Variants in FGF14 observed in about 807,000 individuals in gnomAD.
The protein encoded by FGF14 is fibroblast growth factor homologous factor 4.
A neutral mutation model predicts 25.5 loss-of-function variants in FGF14; 5 were observed. That is an observed-to-expected ratio of 0.20 (90% confidence interval 0.10 to 0.41). The LOEUF (loss-of-function observed/expected upper bound fraction) is 0.41, where lower values mean the gene tolerates loss of function less well. Among genes scored for constraint, FGF14 ranks in the 10% least tolerant of loss-of-function variants. The pLI is 1.00. For missense variants in FGF14, 222 were observed against 320.1 expected, an observed-to-expected ratio of 0.69 and a Z score of 2.34; for synonymous variants, 138 against 118.3, an observed-to-expected ratio of 1.17 and a Z score of -1.08.
chr13:102,036,305 C>T (rs1226210814), intron 1 of FGF14, among the ~76,000 whole-genome samples: 2 of 152,128 alleles, frequency 1.3e-5, no homozygotes, highest in Admixed American at 1.3e-4. Context: ...GCTAGCCAGT[C>T]TTATGTACAC....
chr13:102,355,099 C>T (rs899310555), intron 1 of FGF14, among the ~76,000 whole-genome samples: 1 of 152,140 alleles, frequency 6.6e-6, no homozygotes. Context: ...TTTTCTGTAT[C>T]TACTACCTAT....
At chr13:102,084,886 A>T (rs1033977705) in intron 1 of FGF14, among the ~76,000 whole-genome samples, 1 of 152,224 alleles carries the variant, frequency 6.6e-6, no homozygotes, top group African/African-American at 2.4e-5. Flanking sequence ...AAACTGTCAG[A>T]AATGGCTCCC....
intron 1 of FGF14, among the ~76,000 whole-genome samples, chr13:102,346,238 T>A (rs190524900): frequency 1.3e-5 from 2 of 152,186 alleles, no homozygotes; most frequent in Non-Finnish European, 2.9e-5. Flanking sequence ...AAAGACATTG[T>A]AAATAGGTAT....
At chr13:101,840,363 T>G (rs1391677700) in intron 3 of FGF14, among the ~76,000 whole-genome samples, 1 of 151,950 alleles carries the variant, frequency 6.6e-6, no homozygotes, top group African/African-American at 2.4e-5. Context: ...TATTTTATTA[T>G]TTGAAGACAA....
rs1555369340 is a variant in FGF14, at chr13:102,161,565, T to TGAA, written c.208+239903_208+239905dup. Among the ~76,000 whole-genome samples the TGAA allele has an allele frequency of 3.1e-5, 3 of 97,988 alleles. No homozygotes were observed. In the South Asian group the frequency reaches 1.1e-3, roughly 36 times the overall value. 64.3% of individuals were successfully genotyped at this position (97,988 alleles called of 152,430 possible). ...TATTCTCTATGCAACCAACTTTCTG[T>TGAA]GAAGAAAGAAAGAAGAAGAAGAAGA... On this transcript the variant is annotated intron_variant, in intron 1 of 4. Transcript: ENST00000376131.
At chr13:101,819,683 T>C (rs1291367419) in intron 3 of FGF14, among the ~76,000 whole-genome samples, 1 of 152,268 alleles carries the variant, frequency 6.6e-6, no homozygotes, top group African/African-American at 2.4e-5. Flanking sequence ...AGGTATCTCC[T>C]ATTTTCTAGC....
At chr13:101,832,435 G>A (rs2042719866) in intron 3 of FGF14, among the ~76,000 whole-genome samples, 1 of 152,080 alleles carries the variant, frequency 6.6e-6, no homozygotes. Flanking sequence ...TATTGAAAAG[G>A]TGGGGAACTC....
intron 1 of FGF14, among the ~76,000 whole-genome samples, chr13:102,356,296 C>A (rs190154772): frequency 1.3e-5 from 2 of 152,128 alleles, no homozygotes; most frequent in Non-Finnish European, 2.9e-5. Flanking sequence ...CTTTTTAAAA[C>A]GCAACCATGC....
At chr13:102,110,341 C>T (rs1427410287) in intron 1 of FGF14, among the ~76,000 whole-genome samples, 1 of 152,104 alleles carries the variant, frequency 6.6e-6, no homozygotes, top group African/African-American at 2.4e-5. Flanking sequence ...CCTGCTTGAT[C>T]TAGTGATAAT....
chr13:102,318,721 C>A (rs1463755713), intron 1 of FGF14, among the ~76,000 whole-genome samples: 1 of 152,124 alleles, frequency 6.6e-6, no homozygotes, highest in Admixed American at 6.5e-5. Flanking sequence ...ATTACATCTG[C>A]AACAACAGAA....
intron 1 of FGF14, among the ~76,000 whole-genome samples, chr13:102,070,870 C>A (rs2043125353): frequency 6.6e-6 from 1 of 152,038 alleles, no homozygotes; most frequent in South Asian, 2.1e-4. Context: ...TGCCATGAAG[C>A]CGAAACTACA....
rs186606153 is a variant in FGF14 at position 102,248,917 on chromosome 13, G to A, written c.208+152554C>T. 1.3e-3 allele frequency among the ~76,000 whole-genome samples: 203 copies of A among 152,244 alleles called. 1 individual carries two copies. The highest frequency in any genetic ancestry group is 2.3e-3 in the Non-Finnish European group (155 of 68,022). ...TACATATAAAGCAAGGGAGCAGGAG[G>A]AGTCCAAACCCCAAAATTTCAAGTC... On this transcript the variant is annotated intron_variant, in intron 1 of 4. Coordinates refer to the FGF14 transcript ENST00000376131.
intron 1 of FGF14, among the ~76,000 whole-genome samples, chr13:102,296,686 C>A (rs1350498374): frequency 6.6e-6 from 1 of 152,122 alleles, no homozygotes; most frequent in Admixed American, 6.6e-5. Context: ...CCTTCCAAAC[C>A]ACTTCCCCCA....
rs9513972 is a variant in FGF14 at position 101,992,155 on chromosome 13, C to A, written c.209-116859G>T. 7.0e-3 allele frequency among the ~76,000 whole-genome samples: 1,069 copies of A among 152,176 alleles called. 8 individuals are homozygous for A. The highest frequency in any genetic ancestry group is 0.012 in the Non-Finnish European group (829 of 67,982). On this transcript the variant is annotated intron_variant, in intron 1 of 4. Coordinates refer to the FGF14 transcript ENST00000376131. ...ACACCTCACCACCATATAAATAGGGCTTCCATATAAAAACAGAGGATTATA... is the reference window on the plus strand; with the variant it reads ...ACACCTCACCACCATATAAATAGGGATTCCATATAAAAACAGAGGATTATA...
At chr13:102,157,859 A>G (rs2047421171) in intron 1 of FGF14, among the ~76,000 whole-genome samples, 1 of 152,222 alleles carries the variant, frequency 6.6e-6, no homozygotes, top group Admixed American at 6.5e-5. Context: ...AAAGTGGGAG[A>G]AGATATGAAC....
chr13:101,978,996 G>A (rs2038094856), intron 1 of FGF14, among the ~76,000 whole-genome samples: 1 of 152,204 alleles, frequency 6.6e-6, no homozygotes, highest in Admixed American at 6.5e-5. Context: ...GAGCAGCCAT[G>A]GGCGAATCAG....
At position 102,194,000 on chromosome 13, in the gene FGF14, T is replaced by C. The variant is rs371635852; in HGVS notation, c.208+207471A>G. ...AAATTATAATTTAAAGCCATTACAA[T>C]TATTTTCAAAGACCAAAAGTAAACC... On this transcript the variant is annotated intron_variant, in intron 1 of 4. Coordinates refer to the FGF14 transcript ENST00000376131. Among the ~76,000 whole-genome samples the C allele has an allele frequency of 2.6e-5, 4 of 152,094 alleles. No individual in the cohort carries two copies. In the East Asian group the frequency reaches 7.7e-4, roughly 29 times the overall value.
intron 1 of FGF14, among the ~76,000 whole-genome samples, chr13:101,947,692 T>TA (rs1351771028): frequency 6.6e-6 from 1 of 151,856 alleles, no homozygotes; most frequent in Non-Finnish European, 1.5e-5. Flanking sequence ...CTAGAGGGGG[T>TA]AGGGAGGGAT....
intron 3 of FGF14, among the ~76,000 whole-genome samples, chr13:101,783,742 C>T (rs1049966281): frequency 6.6e-6 from 1 of 152,122 alleles, no homozygotes; most frequent in African/African-American, 2.4e-5. Flanking sequence ...TCATGAAAAT[C>T]TTTGCCTTTG....
Sources: allele counts gnomAD v4.1 joint callset (sites outside exome capture counted in the v4.1 genomes callset), GRCh38; gene constraint gnomAD v4.1.1; transcripts MANE v1.5; gene names NCBI Gene and HGNC (gene_info 2026-07-23, HGNC 2026-07-21).